APBB2: variants seen among roughly 807,000 people sequenced by gnomAD.
APBB2 encodes Fe65-like 1.
APBB2 carries 38 observed loss-of-function variants against 82.5 expected under a neutral mutation model. The observed-to-expected ratio is 0.46, with a 90% CI of 0.36 to 0.60. The LOEUF (loss-of-function observed/expected upper bound fraction) is 0.60, where lower values mean the gene tolerates loss of function less well. Ranked by LOEUF, APBB2 falls within the 20% of genes least tolerant of loss-of-function variation. APBB2 has a pLI of 0.00. For synonymous variants in APBB2, 341 were observed against 368.2 expected (o/e 0.93, Z 0.85); for missense variants, 772 against 972.3 (o/e 0.79, Z 2.74).
At chr4:41,051,239 C>T (rs1560619863) in intron 4 of APBB2, among the ~76,000 whole-genome samples, 1 of 152,172 alleles carries the variant, frequency 6.6e-6, no homozygotes, top group South Asian at 2.1e-4. Flanking sequence ...ATTCTAAGTG[C>T]CTCAGCCACA....
intron 13 of APBB2, among the ~76,000 whole-genome samples, chr4:40,827,430 C>T (rs903467999): frequency 3.3e-5 from 5 of 152,124 alleles, no homozygotes; most frequent in African/African-American, 1.2e-4. Flanking sequence ...AAAAACTATT[C>T]CTCAGAGTAG....
intron 1 of APBB2, among the ~76,000 whole-genome samples, chr4:41,164,251 T>C (rs988369885): frequency 1.3e-5 from 2 of 152,194 alleles, no homozygotes; most frequent in African/African-American, 2.4e-5. Context: ...GTGTGAAATT[T>C]CCCTCTTGCG....
intron 4 of APBB2, among the ~76,000 whole-genome samples, chr4:41,035,766 G>T (rs184331434): frequency 6.6e-6 from 1 of 152,178 alleles, no homozygotes; most frequent in Non-Finnish European, 1.5e-5. Flanking sequence ...TACTGAATAT[G>T]TACAGACTTT....
rs897904424 is a variant in APBB2, at chr4:40,812,653, A to G, written c.*3439T>C. 1 of 152,266 alleles carries G rather than the reference A, an allele frequency of 6.6e-6. No homozygotes were observed. The highest frequency in any genetic ancestry group is 1.5e-5 in the Non-Finnish European group (1 of 68,062). 9.4% of individuals were successfully genotyped at this position (152,266 alleles called of 1,614,324 possible). A position where few individuals can be genotyped will look rare whatever the true frequency, so the allele number is the denominator to read the frequency against. On this transcript the variant is annotated 3_prime_UTR_variant, in exon 18 of 18. Coordinates refer to ENST00000508593, the MANE Select transcript of APBB2 (RefSeq NM_004307.2). ...GAGTTTGTGTTGCAATGCCTGGGACATGAACGGGCCATACAAACAGAGGAA... is the reference window on the plus strand; with the variant it reads ...GAGTTTGTGTTGCAATGCCTGGGACGTGAACGGGCCATACAAACAGAGGAA...
chr4:41,027,869 T>G (rs1305995627), intron 5 of APBB2, among the ~76,000 whole-genome samples: 1 of 152,274 alleles, frequency 6.6e-6, no homozygotes, highest in Non-Finnish European at 1.5e-5. Context: ...CCAGTGATTC[T>G]GCCATCCCCT....
chr4:40,838,729 A>G (rs543028527), intron 12 of APBB2, among the ~76,000 whole-genome samples: 1 of 152,284 alleles, frequency 6.6e-6, no homozygotes, highest in African/African-American at 2.4e-5. Context: ...TCAGCCTCCC[A>G]AAGTGCTGGG....
chr4:40,813,225 C>T lies in APBB2; in HGVS notation c.*2867G>A, dbSNP rs1560578297. ...CACTGAGATTACTTAGATCTGGATA[C>T]ACTGGGAGATAATATCCAGGAAAGA... On this transcript the variant is annotated 3_prime_UTR_variant, in exon 18 of 18. Transcript: ENST00000508593. 6.6e-6 allele frequency: 1 copy of T among 152,250 alleles called. No homozygotes were observed. The highest frequency in any genetic ancestry group is 2.4e-5 in the African/African-American group (1 of 41,534). The allele number at this position is 152,250 out of a possible 1,614,324, so 9.4% of individuals were successfully genotyped here.
rs1560572547 is a variant in APBB2 at position 40,811,131 on chromosome 4, T to G, written c.*4961A>C. ...CTAACATGCATTTGGCACTAAATTA[T>G]TTTTCTCTTTAGAAGTATATGAAGA... On this transcript the variant is annotated 3_prime_UTR_variant, in exon 18 of 18. Transcript: ENST00000508593. 1 of 152,248 alleles carries G rather than the reference T, an allele frequency of 6.6e-6. No homozygotes were observed. 9.4% of individuals were successfully genotyped at this position (152,248 alleles called of 1,614,324 possible).
At position 40,967,956 on chromosome 4, in the gene APBB2, T is replaced by TA. The variant is rs550689660; in HGVS notation, c.836-22884dup. On this transcript the variant is annotated intron_variant, in intron 6 of 17. Coordinates refer to ENST00000508593, the MANE Select transcript of APBB2 (RefSeq NM_004307.2). ...GGTAGGCTGAGATGCTGGGTAGAAA[T>TA]AGAGTCCGATAATTTACATTCTTGA... Among the ~76,000 whole-genome samples, 61 of 152,206 alleles carry TA rather than the reference T, an allele frequency of 4.0e-4. 1 individual carries two copies. The highest frequency in any genetic ancestry group is 8.5e-4 in the Admixed American group (13 of 15,290).
At chr4:40,880,446 G>A in intron 12 of APBB2, 1 of 985,450 alleles carries the variant, frequency 1.0e-6, no homozygotes, top group Non-Finnish European at 1.2e-6. Context: ...TTTGCAACAA[G>A]AGGCTTTTAG....
chr4:41,213,342 C>T (rs1011883582), intron 1 of APBB2, among the ~76,000 whole-genome samples: 3 of 152,010 alleles, frequency 2.0e-5, no homozygotes, highest in Admixed American at 6.6e-5. Context: ...CTGTCCCCTC[C>T]GAGAGCCCAG....
chr4:40,972,484 T>C (rs543367527), intron 6 of APBB2, among the ~76,000 whole-genome samples: 4 of 147,794 alleles, frequency 2.7e-5, no homozygotes, highest in African/African-American at 9.9e-5. Context: ...CCCTAATATA[T>C]TTAATTTGTC....
At chr4:41,205,150 T>C (rs768769560) in intron 1 of APBB2, among the ~76,000 whole-genome samples, 1 of 152,240 alleles carries the variant, frequency 6.6e-6, no homozygotes, top group Admixed American at 6.5e-5. Context: ...CCTGCTGACA[T>C]AGTCTGCATC....
At chr4:41,165,604 T>C (rs1766310178) in intron 1 of APBB2, among the ~76,000 whole-genome samples, 1 of 152,200 alleles carries the variant, frequency 6.6e-6, no homozygotes, top group East Asian at 1.9e-4. Flanking sequence ...TCTAACTATG[T>C]GCTTAGCAAT....
intron 6 of APBB2, among the ~76,000 whole-genome samples, chr4:40,982,842 C>T (rs1799468555): frequency 6.6e-6 from 1 of 151,984 alleles, no homozygotes; most frequent in Non-Finnish European, 1.5e-5. Context: ...CCAAATGCAG[C>T]AAGTACAAAA....
intron 10 of APBB2, among the ~76,000 whole-genome samples, chr4:40,902,556 T>TG (rs1377544622): frequency 1.3e-5 from 2 of 152,106 alleles, no homozygotes; most frequent in African/African-American, 2.4e-5. Flanking sequence ...TTTTTTGAGA[T>TG]GGGGTCTCAC....
intron 2 of APBB2, among the ~76,000 whole-genome samples, chr4:41,114,673 CAAT>C (rs1211880205): frequency 6.6e-6 from 1 of 152,046 alleles, no homozygotes; most frequent in African/African-American, 2.4e-5. Flanking sequence ...TCCTATACAC[CAAT>C]AATAGACGAA....
intron 3 of APBB2, among the ~76,000 whole-genome samples, chr4:41,079,589 G>T (rs566147954): frequency 6.9e-6 from 1 of 144,866 alleles, no homozygotes; most frequent in Admixed American, 7.2e-5. Flanking sequence ...TCGTTCTGTC[G>T]CCAGGCTGGA....
At position 40,826,244 on chromosome 4, in the gene APBB2, AT is replaced by A; in HGVS notation, c.1733-275del. ...AGCTGCTACTGTCTCTTTGATGTAT[AT>A]TAAGTAAAGTAGCAGCTTTTGGTGT... On this transcript the variant is annotated intron_variant, in intron 14 of 17. Transcript: ENST00000508593. This position sits in a 1 kb window ranked among gnomAD's most constrained non-coding sequence, Gnocchi z 4.5. 2.5e-6 allele frequency: 1 copy of A among 401,338 alleles called. No homozygotes were observed. The highest frequency in any genetic ancestry group is 4.5e-6 in the Non-Finnish European group (1 of 221,502). The allele number at this position is 401,338 out of a possible 1,614,324, so 24.9% of individuals were successfully genotyped here.
Sources: gnomAD v4.1 joint callset for allele counts (sites outside exome capture counted in the v4.1 genomes callset) on GRCh38, gnomAD v4.1.1 for gene constraint, Gnocchi (gnomAD v3.1) non-coding constraint, MANE v1.5 for transcripts, NCBI Gene and HGNC (gene_info 2026-07-23, HGNC 2026-07-21) for gene names.